RUFY3: variants seen among roughly 807,000 people sequenced by gnomAD.
RUFY3 encodes RUN and FYVE domain containing 3.
A neutral mutation model predicts 84.0 loss-of-function variants in RUFY3; 34 were observed. The observed-to-expected ratio is 0.40, with a 90% CI of 0.31 to 0.54. The LOEUF is 0.54. Among genes scored for constraint, RUFY3 ranks in the 20% least tolerant of loss-of-function variants. The probability of loss-of-function intolerance (pLI) is 0.39; values close to 1 mark genes in which losing one functional copy is unlikely to be tolerated. For missense variants in RUFY3, 507 were observed against 736.8 expected (o/e 0.69, Z 3.61); for synonymous variants, 242 against 252.9 (o/e 0.96, Z 0.41).
At chr4:70,792,349 G>T (rs1730956694) in intron 12 of RUFY3, 7 of 966,120 alleles carry the variant, frequency 7.2e-6, no homozygotes, top group Non-Finnish European at 8.6e-6. Flanking sequence ...TTCAGAATAG[G>T]AAGTAAATGA....
intron 9 of RUFY3, 134 bp from the exon 10 acceptor site, chr4:70,784,662 A>G (rs773129165): frequency 8.3e-6 from 4 of 480,272 alleles, no homozygotes; most frequent in African/African-American, 2.0e-5. Context: ...CTAGACTTCA[A>G]TTTCTTTGTT....
Position 70,800,216 on chromosome 4 carries a change from A to C in RUFY3, c.1622+11A>C, listed in dbSNP as rs1042954535. On this transcript the variant is annotated intron_variant, in intron 15 of 17. Coordinates refer to ENST00000381006, the MANE Select transcript of RUFY3 (RefSeq NM_001037442.4). Reference sequence around the variant, plus strand: ...GGAAGAAAGCCACAGGTGTTTGTTAATCAAGTATTAACTAAGATGTAAAGT... The same window carrying C: ...GGAAGAAAGCCACAGGTGTTTGTTACTCAAGTATTAACTAAGATGTAAAGT... 7.5e-6 allele frequency: 12 copies of C among 1,593,826 alleles called. No individual in the cohort carries two copies. The highest frequency in any genetic ancestry group is 1.0e-5 in the Non-Finnish European group (12 of 1,172,370).
At chr4:70,710,758 T>G (rs765026302) in intron 1 of RUFY3, among the ~76,000 whole-genome samples, 8 of 150,992 alleles carry the variant, frequency 5.3e-5, no homozygotes, top group Non-Finnish European at 1.0e-4. Context: ...AATTTTTAAT[T>G]TATATAAAGA....
intron 15 of RUFY3, among the ~76,000 whole-genome samples, chr4:70,802,333 T>G (rs901690609): frequency 1.3e-5 from 2 of 152,232 alleles, no homozygotes; most frequent in Non-Finnish European, 2.9e-5. Flanking sequence ...TAAGAACCAT[T>G]GCAATCTGTA....
At chr4:70,706,959 A>G (rs183548321) in intron 1 of RUFY3, among the ~76,000 whole-genome samples, 4 of 152,352 alleles carry the variant, frequency 2.6e-5, no homozygotes, top group East Asian at 1.9e-4. Context: ...TAAGCATGCT[A>G]CTATAGAAAG....
chr4:70,769,401 T>G (rs1165148919), intron 5 of RUFY3, among the ~76,000 whole-genome samples: 1 of 152,226 alleles, frequency 6.6e-6, no homozygotes. Flanking sequence ...ATAGTGTAAG[T>G]GTAAAAAATA....
intron 1 of RUFY3, among the ~76,000 whole-genome samples, chr4:70,744,164 G>C (rs6446762): frequency 0.057 from 8,622 of 151,872 alleles, 607 homozygotes; most frequent in African/African-American, 0.17. Context: ...ATTGCAGATG[G>C]GCCATAACAG....
At chr4:70,713,544 G>A (rs1741236271) in intron 1 of RUFY3, among the ~76,000 whole-genome samples, 2 of 152,088 alleles carry the variant, frequency 1.3e-5, no homozygotes, top group South Asian at 4.2e-4. Context: ...TTTGTCAGAG[G>A]GAGTGGTGGG....
At chr4:70,732,569 A>G (rs1459838206) in intron 1 of RUFY3, among the ~76,000 whole-genome samples, 2 of 152,192 alleles carry the variant, frequency 1.3e-5, no homozygotes, top group East Asian at 3.9e-4. Flanking sequence ...ATGGAATACT[A>G]TGCAGCCATA....
chr4:70,791,159 TTG>T, intron 12 of RUFY3: 2 of 1,308,538 alleles, frequency 1.5e-6, no homozygotes, highest in South Asian at 2.4e-5. Flanking sequence ...CTTGCTATTT[TTG>T]TGTTTCCTGT....
At chr4:70,728,827 A>G (rs1397115651) in intron 1 of RUFY3, among the ~76,000 whole-genome samples, 1 of 152,102 alleles carries the variant, frequency 6.6e-6, no homozygotes, top group African/African-American at 2.4e-5. Flanking sequence ...ATTTTTTTAA[A>G]TAAGACTTTT....
At chr4:70,777,518 C>T (rs887883400) in intron 7 of RUFY3, among the ~76,000 whole-genome samples, 1 of 151,956 alleles carries the variant, frequency 6.6e-6, no homozygotes, top group Non-Finnish European at 1.5e-5. Context: ...GTCTTGGTTC[C>T]ACCTAGCAAA....
At chr4:70,705,212 G>A (rs773292492) in exon 1 of RUFY3, 2 of 1,461,194 alleles carry the variant, frequency 1.4e-6, no homozygotes, top group South Asian at 1.3e-5. Context: ...GGAGGACCCC[G>A]CCGTCCCCCG....
intron 1 of RUFY3, among the ~76,000 whole-genome samples, chr4:70,742,975 T>C (rs1721565585): frequency 6.6e-6 from 1 of 152,252 alleles, no homozygotes; most frequent in South Asian, 2.1e-4. Flanking sequence ...GTCTAGTTGA[T>C]TGACAGTTCA....
intron 2 of RUFY3, 72 bp from the exon 3 acceptor site, chr4:70,763,480 T>G (rs980029251): frequency 1.6e-5 from 17 of 1,074,732 alleles, no homozygotes; most frequent in Non-Finnish European, 2.3e-5. Context: ...TGTGTGTGTA[T>G]GTGTGTGTGT....
At chr4:70,782,886 T>C (rs916762798) in intron 8 of RUFY3, among the ~76,000 whole-genome samples, 2 of 152,136 alleles carry the variant, frequency 1.3e-5, no homozygotes, top group Admixed American at 1.3e-4. Context: ...CACTCCAGGC[T>C]GGGCAATAGA....
At chr4:70,717,363 T>G (rs141554712), upstream of RUFY3, among the ~76,000 whole-genome samples, 327 of 152,292 alleles carry the variant, frequency 2.1e-3, 1 homozygote, top group African/African-American at 7.5e-3. Flanking sequence ...ATCTACCCTT[T>G]GTGAGCCCAT....
At chr4:70,756,015 A>G (rs763504713) in intron 1 of RUFY3, among the ~76,000 whole-genome samples, 55 of 151,912 alleles carry the variant, frequency 3.6e-4, no homozygotes, top group Non-Finnish European at 5.7e-4. Flanking sequence ...GTATTATTTT[A>G]ACTATAGTCA....
intron 1 of RUFY3, among the ~76,000 whole-genome samples, chr4:70,761,120 A>G (rs1724961280): frequency 2.0e-5 from 3 of 152,322 alleles, no homozygotes; most frequent in Admixed American, 6.5e-5. Flanking sequence ...GGAATACATC[A>G]TAGAGCTCTA....
Sources: allele counts gnomAD v4.1 joint callset (sites outside exome capture counted in the v4.1 genomes callset), GRCh38; gene constraint gnomAD v4.1.1; transcripts MANE v1.5; gene names NCBI Gene and HGNC (gene_info 2026-07-23, HGNC 2026-07-21).